The following DCDC2 variants were observed in gnomAD, a reference collection of about 807,000 sequenced individuals.
The protein encoded by DCDC2 is doublecortin domain containing 2, also known as doublecortin domain-containing protein 2.
In DCDC2, 40 loss-of-function variants were observed where a neutral mutation model predicts 50.2. The observed-to-expected ratio is 0.80, with a 90% CI of 0.62 to 1.04. The LOEUF (loss-of-function observed/expected upper bound fraction) is 1.04. DCDC2 is among the 50% of genes least tolerant of loss of function. The pLI, the probability that DCDC2 is intolerant of heterozygous loss-of-function variation, is 0.00. For synonymous variants in DCDC2, 234 were observed against 210.6 expected, an observed-to-expected ratio of 1.11 and a Z score of -0.96; for missense variants, 570 against 581.9, an observed-to-expected ratio of 0.98 and a Z score of 0.21.
intron 8 of DCDC2, among the ~76,000 whole-genome samples, chr6:24,189,623 T>C (rs1761272723): frequency 6.6e-6 from 1 of 152,228 alleles, no homozygotes; most frequent in Non-Finnish European, 1.5e-5. Flanking sequence ...GTTTAAGGCA[T>C]ATACTATCAT....
chr6:24,230,828 T>C (rs897866611), intron 7 of DCDC2, among the ~76,000 whole-genome samples: 1 of 152,220 alleles, frequency 6.6e-6, no homozygotes, highest in African/African-American at 2.4e-5. Flanking sequence ...CTGGAATTCA[T>C]TTAAATGCAA....
chr6:24,313,771 T>C (rs1280854040), intron 2 of DCDC2, among the ~76,000 whole-genome samples: 4 of 152,188 alleles, frequency 2.6e-5, no homozygotes, highest in African/African-American at 9.6e-5. Context: ...CACCAACAGA[T>C]GGCAAGAAAA....
intron 8 of DCDC2, among the ~76,000 whole-genome samples, chr6:24,179,913 T>G (rs138076637): frequency 2.3e-4 from 27 of 117,188 alleles, no homozygotes; most frequent in Admixed American, 3.3e-4. Context: ...CAGATAGTGC[T>G]ACTGTACTCC....
chr6:24,274,048 G>C (rs1043722105), intron 7 of DCDC2, among the ~76,000 whole-genome samples: 1 of 152,204 alleles, frequency 6.6e-6, no homozygotes, highest in Non-Finnish European at 1.5e-5. Context: ...AAGTGAAAGA[G>C]AGCCACATCC....
rs1759747797 is a variant in DCDC2 at position 24,320,287 on chromosome 6, G to A, written c.349-18243C>T. 2.0e-5 allele frequency among the ~76,000 whole-genome samples: 3 copies of A among 152,276 alleles called. No individual in the cohort carries two copies. In the South Asian group the frequency reaches 6.2e-4, roughly 32 times the overall value. On this transcript the variant is annotated intron_variant, in intron 2 of 9. Coordinates refer to ENST00000378454, the MANE Select transcript of DCDC2 (RefSeq NM_016356.5). The stretch of plus-strand genomic sequence containing the variant: ...CCCGTGGTGCTGGAGTAGAACTGGA[G>A]GTATCAGTACAAACTCAATTTTTTG...
intron 7 of DCDC2, among the ~76,000 whole-genome samples, chr6:24,219,469 G>A (rs890247879): frequency 4.6e-5 from 7 of 152,220 alleles, no homozygotes; most frequent in Non-Finnish European, 5.9e-5. Context: ...CTGACACACA[G>A]TCCATGCGTT....
intron 4 of DCDC2, among the ~76,000 whole-genome samples, chr6:24,299,669 T>C (rs1759330296): frequency 6.6e-6 from 1 of 152,186 alleles, no homozygotes; most frequent in Admixed American, 6.5e-5. Context: ...ATCCTAGCAC[T>C]TTGGGAGGCC....
chr6:24,297,898 T>C (rs1278091506), intron 4 of DCDC2, among the ~76,000 whole-genome samples: 1 of 152,178 alleles, frequency 6.6e-6, no homozygotes, highest in Non-Finnish European at 1.5e-5. Context: ...TTAGACTGCA[T>C]TAAAATTTAA....
At chr6:24,188,391 A>C (rs896700777) in intron 8 of DCDC2, among the ~76,000 whole-genome samples, 5 of 152,222 alleles carry the variant, frequency 3.3e-5, no homozygotes, top group African/African-American at 1.2e-4. Flanking sequence ...GTTGGAAGAC[A>C]ATGGAAGGAC....
chr6:24,195,643 C>G (rs1418185984), intron 8 of DCDC2, among the ~76,000 whole-genome samples: 2 of 152,274 alleles, frequency 1.3e-5, no homozygotes, highest in East Asian at 3.9e-4. Flanking sequence ...TAATTAGGAG[C>G]AGCCCTGGCC....
At chr6:24,211,349 T>C (rs778367130) in intron 7 of DCDC2, among the ~76,000 whole-genome samples, 4 of 152,086 alleles carry the variant, frequency 2.6e-5, no homozygotes, top group African/African-American at 7.2e-5. Context: ...AGAAGACAGA[T>C]TGAGGTACAA....
chr6:24,360,528 G>C (rs968974208), upstream of DCDC2, among the ~76,000 whole-genome samples: 8 of 152,174 alleles, frequency 5.3e-5, no homozygotes, highest in Non-Finnish European at 8.8e-5. Flanking sequence ...TGTTAGCTCT[G>C]TCTGAGGAAT....
intron 1 of DCDC2, 73 bp from the exon 2 acceptor site, chr6:24,353,696 A>G: frequency 1.0e-6 from 1 of 970,986 alleles, no homozygotes; most frequent in Non-Finnish European, 1.5e-6. Context: ...TTTAAAAATC[A>G]TAAAAAAATA....
intron 6 of DCDC2, among the ~76,000 whole-genome samples, chr6:24,287,118 A>C (rs961534321): frequency 5.9e-5 from 9 of 152,114 alleles, no homozygotes; most frequent in African/African-American, 2.2e-4. Context: ...TCAAGGACAA[A>C]CACTAGACTC....
chr6:24,325,111 C>T (rs1172648868), intron 2 of DCDC2, among the ~76,000 whole-genome samples: 1 of 152,098 alleles, frequency 6.6e-6, no homozygotes, highest in Non-Finnish European at 1.5e-5. Context: ...ACCCTCTCCT[C>T]TTAGAATAAT....
At chr6:24,261,689 C>G (rs1763013289) in intron 7 of DCDC2, among the ~76,000 whole-genome samples, 1 of 152,092 alleles carries the variant, frequency 6.6e-6, no homozygotes. Flanking sequence ...TATGTCTTAC[C>G]TGCCCCTAAT....
chr6:24,238,717 C>T (rs1762505440), intron 7 of DCDC2, among the ~76,000 whole-genome samples: 1 of 152,138 alleles, frequency 6.6e-6, no homozygotes, highest in African/African-American at 2.4e-5. Context: ...CCAAAATGAG[C>T]ATCAATATCT....
At chr6:24,331,296 T>C (rs1275933110) in intron 2 of DCDC2, among the ~76,000 whole-genome samples, 2 of 137,284 alleles carry the variant, frequency 1.5e-5, no homozygotes, top group Non-Finnish European at 3.1e-5. Flanking sequence ...TGTCTATATA[T>C]ACCTTTTTTT....
the DCDC2 span, among the ~76,000 whole-genome samples, chr6:24,372,783 G>C: frequency 6.6e-6 from 1 of 152,036 alleles, no homozygotes; most frequent in Non-Finnish European, 1.5e-5. Context: ...GGGAGAGGGG[G>C]GAGGGATAGC....
Sources: allele counts gnomAD v4.1 joint callset (sites outside exome capture counted in the v4.1 genomes callset), GRCh38; gene constraint gnomAD v4.1.1; transcripts MANE v1.5; gene names NCBI Gene and HGNC (gene_info 2026-07-23, HGNC 2026-07-21).